The following NPLOC4 variants were observed in gnomAD, a reference collection of about 807,000 sequenced individuals.
The protein encoded by NPLOC4 is NPL4 homolog, ubiquitin recognition factor, also known as nuclear protein localization protein 4 homolog.
In NPLOC4, 18 loss-of-function variants were observed where a neutral mutation model predicts 80.6. The observed-to-expected ratio is 0.22, with a 90% CI of 0.15 to 0.33. The LOEUF is 0.33. Among genes scored for constraint, NPLOC4 ranks in the 10% least tolerant of loss-of-function variants. The probability of loss-of-function intolerance (pLI) is 1.00; values close to 1 mark genes in which losing one functional copy is unlikely to be tolerated. For synonymous variants in NPLOC4, 313 were observed against 301.5 expected (o/e 1.04, Z -0.39); for missense variants, 540 against 786.1 (o/e 0.69, Z 3.74).
intron 1 of NPLOC4, among the ~76,000 whole-genome samples, chr17:81,630,571 C>T (rs7406003): frequency 0.57 from 86,136 of 151,698 alleles, 26,172 homozygotes; most frequent in East Asian, 0.77. Flanking sequence ...CCAGCTATTA[C>T]TTACTTTCCC....
At chr17:81,593,244 G>A (rs1295123545) in intron 11 of NPLOC4, among the ~76,000 whole-genome samples, 1 of 151,984 alleles carries the variant, frequency 6.6e-6, no homozygotes, top group African/African-American at 2.4e-5. Context: ...GCTGAGGCAA[G>A]GGCACACTCT....
chr17:81,594,176 G>A (rs1297420310), intron 11 of NPLOC4, among the ~76,000 whole-genome samples: 1 of 150,160 alleles, frequency 6.7e-6, no homozygotes, highest in Non-Finnish European at 1.5e-5. Flanking sequence ...TCGGGAGGCT[G>A]AGGCAGGAAA....
intron 1 of NPLOC4, among the ~76,000 whole-genome samples, chr17:81,635,686 T>G (rs2036048717): frequency 1.3e-5 from 2 of 151,762 alleles, no homozygotes; most frequent in Non-Finnish European, 2.9e-5. Flanking sequence ...GGATTACAGG[T>G]GTGAGTCACC....
At chr17:81,618,901 T>G (rs1767218357) in intron 3 of NPLOC4, among the ~76,000 whole-genome samples, 1 of 152,126 alleles carries the variant, frequency 6.6e-6, no homozygotes, top group South Asian at 2.1e-4. Context: ...ATCTATGACC[T>G]TACCCCAACC....
At chr17:81,626,933 T>C (rs1277476920) in intron 2 of NPLOC4, among the ~76,000 whole-genome samples, 1 of 148,830 alleles carries the variant, frequency 6.7e-6, no homozygotes, top group East Asian at 2.0e-4. Flanking sequence ...CTACTAAAAA[T>C]ACAAAAATCA....
chr17:81,606,941 G>T, intron 6 of NPLOC4, 127 bp from the exon 7 acceptor site: 1 of 787,128 alleles, frequency 1.3e-6, no homozygotes, highest in Non-Finnish European at 2.1e-6. Context: ...GGCAGCAGCA[G>T]GGAAGATGGG....
intron 4 of NPLOC4, 42 bp from the exon 5 acceptor site, chr17:81,610,300 T>C: frequency 4.5e-6 from 7 of 1,545,494 alleles, no homozygotes; most frequent in Non-Finnish European, 5.3e-6. Flanking sequence ...GCAGTGAGGA[T>C]GTCTGTGTTC....
intron 16 of NPLOC4, among the ~76,000 whole-genome samples, chr17:81,559,726 G>GGT (rs1677779863): frequency 1.7e-5 from 2 of 119,924 alleles, no homozygotes; most frequent in African/African-American, 6.5e-5. Flanking sequence ...GTTGTTTCCA[G>GGT]CTTTTTTTTT....
At chr17:81,636,878 TC>T in intron 1 of NPLOC4, 37 bp downstream of exon 1, 1 of 1,401,874 alleles carries the variant, frequency 7.1e-7, no homozygotes, top group South Asian at 1.5e-5. Context: ...TGCTGCCTCA[TC>T]CCGGCGTCCC....
At chr17:81,585,930 A>G (rs953683236) in intron 12 of NPLOC4, among the ~76,000 whole-genome samples, 7 of 152,302 alleles carry the variant, frequency 4.6e-5, no homozygotes, top group African/African-American at 1.4e-4. Context: ...CAGAAGTTGC[A>G]ACAAGCTGAG....
intron 4 of NPLOC4, 127 bp from the exon 5 acceptor site, chr17:81,610,385 G>T: frequency 1.4e-6 from 1 of 738,676 alleles, no homozygotes; most frequent in Non-Finnish European, 2.3e-6. Context: ...TATTCCAGAT[G>T]GCACATGGAT....
At position 81,567,623 on chromosome 17, in the gene NPLOC4, A is replaced by C; in HGVS notation, c.1450-90T>G. On this transcript the variant is annotated intron_variant, in intron 14 of 16. Coordinates refer to ENST00000331134, the MANE Select transcript of NPLOC4 (RefSeq NM_017921.4). This position sits in a 1 kb window ranked among gnomAD's most constrained non-coding sequence, Gnocchi z 4.5. The stretch of plus-strand genomic sequence containing the variant: ...GCTGTTTCCTACTAAGACGCAACTC[A>C]ATACACTGAATGCTGAGACACCTCT... The C allele has an allele frequency of 8.2e-6, 6 of 735,910 alleles. No individual in the cohort carries two copies. The highest frequency in any genetic ancestry group is 9.5e-6 in the Non-Finnish European group (4 of 419,650). The allele number at this position is 735,910 out of a possible 1,614,324, so 45.6% of individuals were successfully genotyped here.
chr17:81,572,064 T>C lies in NPLOC4; in HGVS notation c.1306A>G (p.Ile436Val). Reference sequence around the variant, plus strand: ...GGCAGGGGCCGGGCCAGCTGGGTGATCTCGTTGCCAAACTTGTCTACGTCC... The same window carrying C: ...GGCAGGGGCCGGGCCAGCTGGGTGACCTCGTTGCCAAACTTGTCTACGTCC... ...YKDVDKFGNEITQLARPLPVE... is the reference protein window; with the variant it reads ...YKDVDKFGNEVTQLARPLPVE... The change falls in exon 13 of 17, where the codon ATC (isoleucine) becomes GTC (valine). Residue 436 changes from isoleucine to valine, a missense_variant. Around this residue, in one of 6 missense-constraint regions of NPLOC4, gnomAD observed 251 missense variants for 377.5 expected, o/e 0.66. Coordinates refer to ENST00000331134, the MANE Select transcript of NPLOC4 (RefSeq NM_017921.4). The surrounding 1 kb of genome is among the most constrained non-coding windows in gnomAD (Gnocchi z 4.5). 4 of 1,608,996 alleles carry C rather than the reference T, an allele frequency of 2.5e-6. No homozygotes were observed. The highest frequency in any genetic ancestry group is 3.4e-6 in the Non-Finnish European group (4 of 1,177,058).
intron 2 of NPLOC4, among the ~76,000 whole-genome samples, chr17:81,626,918 C>CG (rs35650543): frequency 0.45 from 67,935 of 151,254 alleles, 16,595 homozygotes; most frequent in East Asian, 0.77. Context: ...AGTGAAACCT[C>CG]GTCTCTACTA....
At chr17:81,621,687 T>A (rs906285048) in intron 3 of NPLOC4, among the ~76,000 whole-genome samples, 1 of 152,114 alleles carries the variant, frequency 6.6e-6, no homozygotes, top group African/African-American at 2.4e-5. Flanking sequence ...TGTGTTCCAA[T>A]AACACTTTAC....
At chr17:81,582,946 G>A (rs781458708) in intron 12 of NPLOC4, among the ~76,000 whole-genome samples, 3 of 152,240 alleles carry the variant, frequency 2.0e-5, no homozygotes, top group Non-Finnish European at 4.4e-5. Context: ...AAAACCCAAG[G>A]AGCCTCCCGG....
chr17:81,581,904 G>A lies in NPLOC4; in HGVS notation c.1281+7040C>T, dbSNP rs556776800. 7.9e-4 allele frequency among the ~76,000 whole-genome samples: 121 copies of A among 152,348 alleles called. No homozygotes were observed. In the Middle Eastern group the frequency reaches 0.024, roughly 30 times the overall value. The stretch of plus-strand genomic sequence containing the variant: ...GAATAACTTAGACCTTCTGGGCAGA[G>A]CTAGTAGCCTCGCTATGCCCTGGAT... On this transcript the variant is annotated intron_variant, in intron 12 of 16. Transcript: ENST00000331134.
intron 13 of NPLOC4, among the ~76,000 whole-genome samples, chr17:81,570,226 G>A (rs968051366): frequency 2.0e-5 from 3 of 152,206 alleles, no homozygotes; most frequent in Non-Finnish European, 4.4e-5. Flanking sequence ...GCCACGTGTC[G>A]GCTACATGGC....
In NPLOC4 at chr17:81,631,436, A is replaced by AT. The variant is rs70938164; in HGVS notation, c.16-1632dup. Among the ~76,000 whole-genome samples the AT allele has an allele frequency of 8.4e-4, 98 of 117,042 alleles. 4 individuals are homozygous for AT. The highest frequency in any genetic ancestry group is 1.4e-3 in the Non-Finnish European group (77 of 55,186). 76.8% of individuals were successfully genotyped at this position (117,042 alleles called of 152,430 possible). A position where few individuals can be genotyped will look rare whatever the true frequency, so the allele number is the denominator to read the frequency against. ...TTAAAGTGTACATATATATATATAT[A>AT]TTTTTTTTTTTTTTTTTTTTTTTTT... On this transcript the variant is annotated intron_variant, in intron 1 of 16. Coordinates refer to ENST00000331134, the MANE Select transcript of NPLOC4 (RefSeq NM_017921.4).
Sources: gnomAD v4.1 joint callset for allele counts (sites outside exome capture counted in the v4.1 genomes callset) on GRCh38, gnomAD v4.1.1 for gene constraint, gnomAD v4.1.1 regional missense constraint, Gnocchi (gnomAD v3.1) non-coding constraint, MANE v1.5 for transcripts, NCBI Gene and HGNC (gene_info 2026-07-23, HGNC 2026-07-21) for gene names.